Variants in MGAT4B observed in about 807,000 individuals in gnomAD.
The protein encoded by MGAT4B is N-acetylglucosaminyltransferase IVb.
MGAT4B carries 38 observed loss-of-function variants against 73.9 expected under a neutral mutation model. That is an observed-to-expected ratio of 0.51 (90% CI 0.40 to 0.67). MGAT4B has a LOEUF of 0.67. MGAT4B is among the 30% of genes least tolerant of loss of function. The pLI is 0.00. For synonymous variants in MGAT4B, 373 were observed against 313.5 expected (o/e 1.19, Z -2.01); for missense variants, 686 against 735.2 (o/e 0.93, Z 0.77).
rs1756759151 is a variant in MGAT4B, at chr5:179,798,560, G to C, written c.1375C>G (p.Pro459Ala). The C allele has an allele frequency of 6.2e-7, 1 of 1,613,394 alleles. No individual in the cohort carries two copies. Among genetic ancestry groups the C allele is most frequent in the Non-Finnish European group, 8.5e-7 (1 of 1,180,028 alleles). Residue 459 changes from proline (P) to alanine (A), a missense_variant, in exon 12 of 15, where the codon CCG (proline) becomes GCG (alanine). Transcript: ENST00000292591. Reference sequence around the variant, plus strand: ...GACGTGTTGAAGAGCTTGTCCTCCGGGTGCTCGATGTTCCCACTGCGGAAG... The same window carrying C: ...GACGTGTTGAAGAGCTTGTCCTCCGCGTGCTCGATGTTCCCACTGCGGAAG... The part of the protein sequence containing the change: ...FFFRSGNIEH[P>A]EDKLFNTSVE...
Position 179,806,594 on chromosome 5 carries a change from G to T in MGAT4B, c.-11C>A. The stretch of plus-strand genomic sequence containing the variant: ...ATTGCGGAGCCTCATCTCCTCGGGT[G>T]CGCGGCGGGCGCCCGCGGGGCCGAG... On this transcript the variant is annotated 5_prime_UTR_variant, in exon 1 of 15. Transcript: ENST00000292591. This position sits in a 1 kb window ranked among gnomAD's most constrained non-coding sequence, Gnocchi z 4.6. 1.6e-6 allele frequency: 2 copies of T among 1,238,346 alleles called. No individual in the cohort carries two copies. The highest frequency in any genetic ancestry group is 1.0e-6 in the Non-Finnish European group (1 of 961,404). The allele number at this position is 1,238,346 out of a possible 1,614,324, so 76.7% of individuals were successfully genotyped here.
rs11547064 is a variant in MGAT4B at position 179,801,893 on chromosome 5, G to A, written c.174C>T (p.Leu58=). The part of the protein sequence containing the change: ...DRLHAAEQES[L]KRSKELNLVL... ...CCAGGTTGAGCTCCTTGGAGCGCTT[G>A]AGGCTCTCCTGCTCAGCTGCGTGCA... The change falls in exon 2 of 15, where the codon CTC becomes CTT. Residue 58 remains leucine (L), a synonymous_variant. Coordinates refer to ENST00000292591, the MANE Select transcript of MGAT4B (RefSeq NM_014275.5). This position sits in a 1 kb window ranked among gnomAD's most constrained non-coding sequence, Gnocchi z 4.8. 6.2e-7 allele frequency: 1 copy of A among 1,612,996 alleles called. No individual in the cohort carries two copies. The highest frequency in any genetic ancestry group is 1.3e-5 in the African/African-American group (1 of 74,916).
At chr5:179,799,452 G>A in intron 9 of MGAT4B, 54 bp downstream of exon 9, 1 of 1,611,632 alleles carries the variant, frequency 6.2e-7, no homozygotes, top group Non-Finnish European at 8.5e-7. Flanking sequence ...GTTTGGGGTG[G>A]AGGCTGCCTG....
In MGAT4B at chr5:179,801,299, G is replaced by A; in HGVS notation, c.558+35C>T. On this transcript the variant is annotated intron_variant, in intron 4 of 14. Transcript: ENST00000292591. The surrounding 1 kb of genome is among the most constrained non-coding windows in gnomAD (Gnocchi z 4.8). ...AGTTCTGCACCGCGGGGGCTCCTCT[G>A]AATGTCCCCCAACCCCGCGTCCCGG... is the stretch of plus-strand genomic sequence containing the variant. The A allele has an allele frequency of 6.3e-7, 1 of 1,587,060 alleles. No homozygotes were observed. Among genetic ancestry groups the A allele is most frequent in the Non-Finnish European group, 8.6e-7 (1 of 1,162,770 alleles).
Position 179,801,608 on chromosome 5 carries a change from C to T in MGAT4B, c.370G>A (p.Ala124Thr). Reference sequence around the variant, plus strand: ...GCGGGCTGCAGACTGCTCTCCTTGGCCAGCAGGTGTGGCAGGTGATGGAAG... The same window carrying T: ...GCGGGCTGCAGACTGCTCTCCTTGGTCAGCAGGTGTGGCAGGTGATGGAAG... ...TVFHHLPHLL[A>T]KESSLQPAVR... Residue 124 changes from alanine to threonine, a missense_variant, in exon 3 of 15, where the codon GCC becomes ACC. Around this residue, in one of 2 missense-constraint regions of MGAT4B, gnomAD observed 237 missense variants for 198.5 expected, o/e 1.19. Coordinates refer to ENST00000292591, the MANE Select transcript of MGAT4B (RefSeq NM_014275.5). This position sits in a 1 kb window ranked among gnomAD's most constrained non-coding sequence, Gnocchi z 4.8. 1 of 1,607,832 alleles carries T rather than the reference C, an allele frequency of 6.2e-7. No homozygotes were observed. The highest frequency in any genetic ancestry group is 8.5e-7 in the Non-Finnish European group (1 of 1,178,214).
At chr5:179,802,382 G>T (rs1319316964) in intron 1 of MGAT4B, 1 of 1,255,702 alleles carries the variant, frequency 8.0e-7, no homozygotes, top group African/African-American at 1.5e-5. Flanking sequence ...GCTACCCAAG[G>T]TCCTGGTGCT....
Position 179,806,507 on chromosome 5 carries a change from G to C in MGAT4B, c.77C>G (p.Ala26Gly). The C allele has an allele frequency of 7.5e-7, 1 of 1,325,718 alleles. No individual in the cohort carries two copies. The highest frequency in any genetic ancestry group is 9.9e-7 in the Non-Finnish European group (1 of 1,012,436). The allele number at this position is 1,325,718 out of a possible 1,614,324, so 82.1% of individuals were successfully genotyped here. A position where few individuals can be genotyped will look rare whatever the true frequency, so the allele number is the denominator to read the frequency against. Residue 26 changes from alanine (A) to glycine (G), a missense_variant, in exon 1 of 15, where the codon GCG (alanine) becomes GGG (glycine). Coordinates refer to ENST00000292591, the MANE Select transcript of MGAT4B (RefSeq NM_014275.5). The surrounding 1 kb of genome is among the most constrained non-coding windows in gnomAD (Gnocchi z 4.6). ...LCAFLSLSWY[A>G]ALSGQKGDVV... The stretch of plus-strand genomic sequence containing the variant: ...CTCACCTTTCTGGCCGCTGAGTGCC[G>C]CGTACCAGGACAGCGAGAGGAAGGC...
chr5:179,804,810 G>A (rs976996438), intron 1 of MGAT4B: 2 of 152,180 alleles, frequency 1.3e-5, no homozygotes, highest in African/African-American at 4.8e-5. Flanking sequence ...ATGTGACAAC[G>A]AGATGGGTTC....
chr5:179,799,005 C>G lies in MGAT4B; in HGVS notation c.1266G>C (p.Glu422Asp). The change falls in exon 11 of 15, where the codon GAG (glutamate) becomes GAC (aspartate). Residue 422 changes from glutamate (E) to aspartate (D), a missense_variant. Coordinates refer to ENST00000292591, the MANE Select transcript of MGAT4B (RefSeq NM_014275.5). ...HFTLEKAYLREDFFWAFTPAA... is the reference protein window; with the variant it reads ...HFTLEKAYLRDDFFWAFTPAA... ...CAGGGGTGAAGGCCCAGAAGAAGTC[C>G]TCGCGCAGGTAGGCTTTCTCCAGGG... 1 of 1,613,870 alleles carries G rather than the reference C, an allele frequency of 6.2e-7. No individual in the cohort carries two copies. Among genetic ancestry groups the G allele is most frequent in the Non-Finnish European group, 8.5e-7 (1 of 1,180,026 alleles).
rs757670210 is a variant in MGAT4B at position 179,801,582 on chromosome 5, C to T, written c.396G>A (p.Ala132=). ...LLAKESSLQP[A]VRVGQGRTGV... ...CGGTGCGGCCCTGGCCCACGCGCAC[C>T]GCGGGCTGCAGACTGCTCTCCTTGG... The change falls in exon 3 of 15, where the codon GCG becomes GCA. Residue 132 remains alanine (A), a synonymous_variant. Coordinates refer to ENST00000292591, the MANE Select transcript of MGAT4B (RefSeq NM_014275.5). The surrounding 1 kb of genome is among the most constrained non-coding windows in gnomAD (Gnocchi z 4.8). 8.1e-5 allele frequency: 131 copies of T among 1,607,444 alleles called. No individual in the cohort carries two copies. The highest frequency in any genetic ancestry group is 4.4e-4 in the Admixed American group (26 of 58,986).
At chr5:179,802,043 C>A (rs1351928444) in intron 1 of MGAT4B, 74 bp from the exon 2 acceptor site, 1 of 1,610,944 alleles carries the variant, frequency 6.2e-7, no homozygotes, top group Non-Finnish European at 8.5e-7. Context: ...TGTGCCAGCG[C>A]ACACATCTGG....
Position 179,801,085 on chromosome 5 carries a change from T to A in MGAT4B, c.559-132A>T. ...TGAGCCTGCTGTGCTGAGGGCGGAG[T>A]AAGGGGGCCCCCAGAGACGGCCCTT... On this transcript the variant is annotated intron_variant, in intron 4 of 14. Coordinates refer to ENST00000292591, the MANE Select transcript of MGAT4B (RefSeq NM_014275.5). The surrounding 1 kb of genome is among the most constrained non-coding windows in gnomAD (Gnocchi z 4.8). The A allele has an allele frequency of 4.7e-6, 6 of 1,284,808 alleles. No homozygotes were observed. Among genetic ancestry groups the A allele is most frequent in the Non-Finnish European group, 5.4e-6 (5 of 924,936 alleles). 79.6% of individuals were successfully genotyped at this position (1,284,808 alleles called of 1,614,324 possible).
intron 5 of MGAT4B, 37 bp from the exon 6 acceptor site, chr5:179,800,634 C>CA (rs2113429735): frequency 6.9e-7 from 1 of 1,457,132 alleles, no homozygotes; most frequent in African/African-American, 1.4e-5. Context: ...ATGCAGCCTC[C>CA]AGGGGCTGAG....
In MGAT4B at chr5:179,798,912, T is replaced by C. The variant is rs187369760; in HGVS notation, c.1343+16A>G. 6.7e-4 allele frequency: 1,081 copies of C among 1,613,114 alleles called. 10 individuals are homozygous for C. The East Asian group carries it at 0.017, about 26-fold the overall frequency. ...CAGCCCCGCCCCCATCGCAGACCCA[T>C]GGTGCTGGCACTGACCGCTCCAGTC... On this transcript the variant is annotated intron_variant, in intron 11 of 14. Transcript: ENST00000292591.
rs1392218711 is a variant in MGAT4B at position 179,801,710 on chromosome 5, A to G, written c.284-16T>C. ...CGGGGGTCCTCTGGGTGGGTCGGGA[A>G]GGATCGGGACTGAGACCAGGGAACC... On this transcript the variant is annotated splice_polypyrimidine_tract_variant and intron_variant, in intron 2 of 14. Coordinates refer to ENST00000292591, the MANE Select transcript of MGAT4B (RefSeq NM_014275.5). This position sits in a 1 kb window ranked among gnomAD's most constrained non-coding sequence, Gnocchi z 4.8. 6.2e-7 allele frequency: 1 copy of G among 1,605,992 alleles called. No homozygotes were observed. Among genetic ancestry groups the G allele is most frequent in the Admixed American group, 1.7e-5 (1 of 58,898 alleles).
Position 179,801,140 on chromosome 5 carries a change from A to AG in MGAT4B, c.559-188dup. Reference sequence around the variant, plus strand: ...TTTGGGACTCGCATGGCCAAGGACTAGGGGGTGGCGGGGGCGATGGGTAGG... The same window carrying AG: ...TTTGGGACTCGCATGGCCAAGGACTAGGGGGGTGGCGGGGGCGATGGGTAGG... On this transcript the variant is annotated intron_variant, in intron 4 of 14. Transcript: ENST00000292591. The surrounding 1 kb of genome is among the most constrained non-coding windows in gnomAD (Gnocchi z 4.8). 8.8e-7 allele frequency: 1 copy of AG among 1,131,904 alleles called. No individual in the cohort carries two copies. Among genetic ancestry groups the AG allele is most frequent in the Non-Finnish European group, 1.2e-6 (1 of 808,262 alleles). 70.1% of individuals were successfully genotyped at this position (1,131,904 alleles called of 1,614,324 possible).
intron 5 of MGAT4B, 48 bp downstream of exon 5, chr5:179,800,859 C>G: frequency 1.3e-6 from 2 of 1,599,704 alleles, no homozygotes; most frequent in African/African-American, 1.3e-5. Context: ...CACAACACCC[C>G]GCACCGAGCT....
At position 179,801,410 on chromosome 5, in the gene MGAT4B, T is replaced by A; in HGVS notation, c.482A>T (p.Asp161Val). 2 of 1,612,426 alleles carry A rather than the reference T, an allele frequency of 1.2e-6. No homozygotes were observed. Among genetic ancestry groups the A allele is most frequent in the Non-Finnish European group, 1.7e-6 (2 of 1,179,470 alleles). The part of the protein sequence containing the change: ...VRREVHSYLT[D>V]TLHSLISELS... ...CTCGGAGATGAGCGAGTGCAGAGTG[T>A]CAGTCAGGTACGAGTGCACCTCGCG... The change falls in exon 4 of 15, where the codon GAC becomes GTC. Residue 161 changes from aspartate (D) to valine (V), a missense_variant. Asp to Val is a radical substitution (Grantham distance 152). Coordinates refer to ENST00000292591, the MANE Select transcript of MGAT4B (RefSeq NM_014275.5). This position sits in a 1 kb window ranked among gnomAD's most constrained non-coding sequence, Gnocchi z 4.8.
chr5:179,799,704 G>A (rs374844229), intron 8 of MGAT4B, 68 bp from the exon 9 acceptor site: 12 of 1,603,104 alleles, frequency 7.5e-6, no homozygotes, highest in African/African-American at 1.3e-5. Context: ...AGCGGCCCCC[G>A]AGTCCCACAG....
Sources: allele counts gnomAD v4.1 joint callset, GRCh38; gene constraint gnomAD v4.1.1; regional missense constraint gnomAD v4.1.1; non-coding constraint Gnocchi (gnomAD v3.1); transcripts MANE v1.5; gene names NCBI Gene and HGNC (gene_info 2026-07-23, HGNC 2026-07-21).